Variants in FXYD1 observed in about 807,000 individuals in gnomAD.
FXYD1 encodes phospholemman.
In FXYD1, 9 loss-of-function variants were observed where a neutral mutation model predicts 17.2. The ratio of observed to expected loss-of-function variants is 0.52; its 90% CI spans 0.32 to 0.91. The LOEUF (loss-of-function observed/expected upper bound fraction) is 0.91, where lower values mean the gene tolerates loss of function less well. FXYD1 is among the 40% of genes least tolerant of loss of function. The pLI is 0.04. For synonymous variants in FXYD1, 55 were observed against 45.8 expected (o/e 1.20, Z -0.81); for missense variants, 113 against 120.6 (o/e 0.94, Z 0.29).
At position 35,141,350 on chromosome 19, in the gene FXYD1, C is replaced by T. The variant is rs2065252646; in HGVS notation, c.169+144C>T. 2.9e-5 allele frequency: 17 copies of T among 576,490 alleles called. No individual in the cohort carries two copies. The East Asian group carries it at 3.0e-4, about 10-fold the overall frequency. 35.7% of individuals were successfully genotyped at this position (576,490 alleles called of 1,614,324 possible). ...CTGGTCCCGCCCCTCCCTGGCCCCG[C>T]CCCGCCCCAACCCCTCCCAGGCCTT... On this transcript the variant is annotated intron_variant, in intron 4 of 7. Coordinates refer to ENST00000351325, the MANE Select transcript of FXYD1 (RefSeq NM_021902.4).
At chr19:35,141,031 C>T in intron 3 of FXYD1, 101 bp from the exon 4 acceptor site, 1 of 746,466 alleles carries the variant, frequency 1.3e-6, no homozygotes, top group Non-Finnish European at 2.4e-6. Flanking sequence ...CCCCTTCTGC[C>T]TGCTGGTCCT....
At chr19:35,141,410 G>C (rs1474949442) in intron 4 of FXYD1, 126 bp from the exon 5 acceptor site, 17 of 509,662 alleles carry the variant, frequency 3.3e-5, no homozygotes, top group Non-Finnish European at 5.6e-5. Flanking sequence ...CCCGGCCCCC[G>C]GTCTCGCCTC....
chr19:35,142,716 C>T lies in FXYD1; in HGVS notation c.257-4C>T, dbSNP rs1351931208. ...ATGACCCCCGATCTCCGTGTTCCCCCCAGGTCTGTCCACCCGCAGGCGGTA... is the reference window on the plus strand; with the variant it reads ...ATGACCCCCGATCTCCGTGTTCCCCTCAGGTCTGTCCACCCGCAGGCGGTA... On this transcript the variant is annotated splice_region_variant and splice_polypyrimidine_tract_variant and intron_variant, in intron 6 of 7. Transcript: ENST00000351325. 2 of 1,613,684 alleles carry T rather than the reference C, an allele frequency of 1.2e-6. No individual in the cohort carries two copies. Among genetic ancestry groups the T allele is most frequent in the South Asian group, 1.1e-5 (1 of 91,062 alleles).
intron 2 of FXYD1, 78 bp from the exon 3 acceptor site, chr19:35,140,519 G>C: frequency 1.5e-6 from 2 of 1,295,888 alleles, no homozygotes; most frequent in South Asian, 2.4e-5. Context: ...GCAAGGCAGA[G>C]CCTCCAGTGG....
At position 35,140,597 on chromosome 19, in the gene FXYD1, A is replaced by G. The variant is rs754458399; in HGVS notation, c.62A>G (p.Glu21Gly). 3.1e-6 allele frequency: 5 copies of G among 1,613,350 alleles called. No individual in the cohort carries two copies. Among genetic ancestry groups the G allele is most frequent in the African/African-American group, 1.3e-5 (1 of 74,826 alleles). ...CVGLLTMAKA[E>G]SPKEHDPFTY... Reference sequence around the variant, plus strand: ...ACCCCTGATTTCTCTCTCTTTCCAGAAAGTCCAAAGGAACACGACCCGTTC... The same window carrying G: ...ACCCCTGATTTCTCTCTCTTTCCAGGAAGTCCAAAGGAACACGACCCGTTC... Residue 21 changes from glutamate (E) to glycine (G), a missense_variant and splice_region_variant, in exon 3 of 8, where the codon GAA (glutamate) becomes GGA (glycine). By Grantham distance (98) the Glu-to-Gly change is moderately conservative. Transcript: ENST00000351325.
rs201592085 is a variant in FXYD1 at position 35,143,085 on chromosome 19, AC to A, written c.*199del. The A allele has an allele frequency of 5.5e-6, 3 of 548,614 alleles. No individual in the cohort carries two copies. Among genetic ancestry groups the A allele is most frequent in the Non-Finnish European group, 9.6e-6 (3 of 313,242 alleles). 34.0% of individuals were successfully genotyped at this position (548,614 alleles called of 1,614,324 possible). On this transcript the variant is annotated 3_prime_UTR_variant, in exon 8 of 8. Coordinates refer to ENST00000351325, the MANE Select transcript of FXYD1 (RefSeq NM_021902.4). This position sits in a 1 kb window ranked among gnomAD's most constrained non-coding sequence, Gnocchi z 4.3. Reference sequence around the variant, plus strand: ...GTCGGTCTCGGTCCCTCAGCGCGAAACGCCAGCGCCACTGGGCCCCAGCAGG... The same window carrying A: ...GTCGGTCTCGGTCCCTCAGCGCGAAAGCCAGCGCCACTGGGCCCCAGCAGG...
upstream of FXYD1, chr19:35,138,647 C>G (rs914014747): frequency 2.0e-5 from 3 of 152,678 alleles, no homozygotes; most frequent in African/African-American, 7.2e-5. Context: ...CTGCTGCTCT[C>G]TCTGAACTGA....
chr19:35,138,282 C>A (rs1034165498), upstream of FXYD1: 1 of 152,096 alleles, frequency 6.6e-6, no homozygotes, highest in South Asian at 2.1e-4. Context: ...TGGTTTTGTA[C>A]CTGTATATCT....
chr19:35,141,405 C>T (rs1224095405), intron 4 of FXYD1, 131 bp from the exon 5 acceptor site: 2 of 767,106 alleles, frequency 2.6e-6, no homozygotes, highest in Non-Finnish European at 4.4e-6. Context: ...GGTTCCCCGG[C>T]CCCCGGTCTC....
intron 6 of FXYD1, 83 bp from the exon 7 acceptor site, chr19:35,142,637 G>T (rs2145390119): frequency 6.5e-7 from 1 of 1,543,264 alleles, no homozygotes; most frequent in African/African-American, 1.4e-5. Flanking sequence ...GGAGGGCGGG[G>T]AGTTGCCCCG....
At position 35,140,585 on chromosome 19, in the gene FXYD1, C is replaced by T; in HGVS notation, c.62-12C>T. On this transcript the variant is annotated splice_polypyrimidine_tract_variant and intron_variant, in intron 2 of 7. Transcript: ENST00000351325. Reference sequence around the variant, plus strand: ...AGGAAGCATTCAACCCCTGATTTCTCTCTCTTTCCAGAAAGTCCAAAGGAA... The same window carrying T: ...AGGAAGCATTCAACCCCTGATTTCTTTCTCTTTCCAGAAAGTCCAAAGGAA... 2.5e-6 allele frequency: 4 copies of T among 1,613,272 alleles called. No individual in the cohort carries two copies. The highest frequency in any genetic ancestry group is 1.3e-5 in the African/African-American group (1 of 74,996).
At chr19:35,139,582 C>T (rs2065231083) in intron 1 of FXYD1, 2 of 160,168 alleles carry the variant, frequency 1.2e-5, no homozygotes, top group African/African-American at 4.8e-5. Context: ...AGCAGAATTC[C>T]TCCAGGGTGA....
chr19:35,141,877 C>A (rs569120562), intron 5 of FXYD1, among the ~76,000 whole-genome samples: 1 of 152,372 alleles, frequency 6.6e-6, no homozygotes, highest in Non-Finnish European at 1.5e-5. Context: ...GAAATGAGAT[C>A]ATCTCACACG....
At chr19:35,137,950 A>C (rs889584969), upstream of FXYD1, 3 of 152,206 alleles carry the variant, frequency 2.0e-5, no homozygotes, top group African/African-American at 7.2e-5. Context: ...CATGCATCTT[A>C]GAATGCATTT....
At position 35,140,909 on chromosome 19, in the gene FXYD1, C is replaced by G. The variant is rs868513651; in HGVS notation, c.95-223C>G. ...CTGCTTCTTCCCGTCTTCTCTCCCC[C>G]CTGTCCTCCTCCTCCCTGTCCCCTC... On this transcript the variant is annotated intron_variant, in intron 3 of 7. Coordinates refer to ENST00000351325, the MANE Select transcript of FXYD1 (RefSeq NM_021902.4). 26 of 589,684 alleles carry G rather than the reference C, an allele frequency of 4.4e-5. 1 individual carries two copies. Among genetic ancestry groups the G allele is most frequent in the South Asian group, 2.5e-4 (12 of 47,990 alleles). The allele number at this position is 589,684 out of a possible 1,614,324, so 36.5% of individuals were successfully genotyped here.
intron 5 of FXYD1, chr19:35,142,220 C>T (rs1477058256): frequency 2.2e-6 from 1 of 446,830 alleles, no homozygotes; most frequent in African/African-American, 2.1e-5. Flanking sequence ...ATGACTATCC[C>T]TCCCCCACCA....
chr19:35,142,339 C>T, intron 5 of FXYD1, 133 bp from the exon 6 acceptor site: 3 of 703,392 alleles, frequency 4.3e-6, no homozygotes, highest in Non-Finnish European at 2.4e-6. Flanking sequence ...TCTGGCGGAC[C>T]CCGAGCCTGC....
chr19:35,138,147 G>A (rs1050569705), upstream of FXYD1: 4 of 152,312 alleles, frequency 2.6e-5, no homozygotes, highest in Admixed American at 6.5e-5. Flanking sequence ...AAATGTGCTT[G>A]TTCTGGTATT....
At position 35,142,951 on chromosome 19, in the gene FXYD1, C is replaced by T. The variant is rs1017874061; in HGVS notation, c.*64C>T. 4 of 592,568 alleles carry T rather than the reference C, an allele frequency of 6.8e-6. No individual in the cohort carries two copies. Among genetic ancestry groups the T allele is most frequent in the Admixed American group, 6.0e-5 (2 of 33,506 alleles). The allele number at this position is 592,568 out of a possible 1,614,324, so 36.7% of individuals were successfully genotyped here. A position where few individuals can be genotyped will look rare whatever the true frequency, so the allele number is the denominator to read the frequency against. On this transcript the variant is annotated 3_prime_UTR_variant, in exon 8 of 8. Transcript: ENST00000351325. ...GGCACCTGACATCTCCCACGCTCCA[C>T]CTGCGCGCCCACCGCCCCCTCCGCC...
Sources: gnomAD v4.1 joint callset for allele counts (sites outside exome capture counted in the v4.1 genomes callset) on GRCh38, gnomAD v4.1.1 for gene constraint, Gnocchi (gnomAD v3.1) non-coding constraint, MANE v1.5 for transcripts, NCBI Gene and HGNC (gene_info 2026-07-23, HGNC 2026-07-21) for gene names.